Variants in GRIP1 observed in about 807,000 individuals in gnomAD.
GRIP1 encodes glutamate receptor-interacting protein 1.
GRIP1 carries 45 observed loss-of-function variants against 129.9 expected under a neutral mutation model. The observed-to-expected ratio is 0.35, with a 90% CI of 0.27 to 0.44. The LOEUF (loss-of-function observed/expected upper bound fraction) is 0.44. GRIP1 is among the 20% of genes least tolerant of loss of function. GRIP1 has a pLI of 1.00. For missense variants in GRIP1, 1,196 were observed against 1,396.8 expected, an observed-to-expected ratio of 0.86 and a Z score of 2.29; for synonymous variants, 530 against 520.8, an observed-to-expected ratio of 1.02 and a Z score of -0.24.
At chr12:66,814,915 T>C (rs1243105597) in intron 1 of GRIP1, among the ~76,000 whole-genome samples, 1 of 151,956 alleles carries the variant, frequency 6.6e-6, no homozygotes, top group Non-Finnish European at 1.5e-5. Flanking sequence ...CCATCAGATC[T>C]CATGTAAACT....
chr12:66,384,221 G>C lies in GRIP1; in HGVS notation c.2465-4785C>G, dbSNP rs149654757. On this transcript the variant is annotated intron_variant, in intron 19 of 24. Coordinates refer to ENST00000359742, the MANE Select transcript of GRIP1 (RefSeq NM_001366722.1). ...AAATTTAAATGTCTAGACTTGGGTT[G>C]AGGGTAGGAAAATAATTATCCTGAT... is the stretch of plus-strand genomic sequence containing the variant. Among the ~76,000 whole-genome samples, 245 of 152,204 alleles carry C rather than the reference G, an allele frequency of 1.6e-3. 2 individuals carry two copies. The highest frequency in any genetic ancestry group is 5.7e-3 in the African/African-American group (236 of 41,522).
At chr12:66,755,972 G>T (rs1165566857) in intron 1 of GRIP1, among the ~76,000 whole-genome samples, 1 of 152,112 alleles carries the variant, frequency 6.6e-6, no homozygotes, top group Non-Finnish European at 1.5e-5. Flanking sequence ...ACCAGCCCTG[G>T]AACCACTGCT....
intron 1 of GRIP1, among the ~76,000 whole-genome samples, chr12:67,031,788 C>A (rs2043026583): frequency 6.6e-6 from 1 of 152,294 alleles, no homozygotes; most frequent in South Asian, 2.1e-4. Flanking sequence ...TTCTTTTAAT[C>A]TCCCCATCTA....
chr12:66,524,885 G>A (rs2061165913), intron 5 of GRIP1, among the ~76,000 whole-genome samples: 2 of 152,198 alleles, frequency 1.3e-5, no homozygotes, highest in African/African-American at 4.8e-5. Flanking sequence ...ACTACCATCA[G>A]AGAATACTAC....
chr12:66,594,749 G>A (rs751582603), intron 2 of GRIP1, among the ~76,000 whole-genome samples: 4 of 152,160 alleles, frequency 2.6e-5, no homozygotes, highest in Admixed American at 1.3e-4. Context: ...TCTCTCTCAT[G>A]GACTTAGTGG....
At chr12:66,911,490 T>C (rs912296889) in intron 1 of GRIP1, among the ~76,000 whole-genome samples, 11 of 152,118 alleles carry the variant, frequency 7.2e-5, no homozygotes, top group Admixed American at 3.9e-4. Flanking sequence ...TTGTTTATAA[T>C]TATTATATCA....
At chr12:66,944,062 C>T (rs1347771303) in intron 1 of GRIP1, among the ~76,000 whole-genome samples, 1 of 152,184 alleles carries the variant, frequency 6.6e-6, no homozygotes, top group African/African-American at 2.4e-5. Flanking sequence ...CTTACATTAG[C>T]ATGAATTTTT....
At chr12:66,969,883 T>G (rs1463712281) in intron 1 of GRIP1, among the ~76,000 whole-genome samples, 1 of 152,206 alleles carries the variant, frequency 6.6e-6, no homozygotes, top group Non-Finnish European at 1.5e-5. Context: ...CTTTTCCTTT[T>G]GATCTTTTCT....
intron 1 of GRIP1, among the ~76,000 whole-genome samples, chr12:66,741,731 C>T (rs1045036613): frequency 6.6e-6 from 1 of 152,138 alleles, no homozygotes; most frequent in Non-Finnish European, 1.5e-5. Context: ...ACTTACAGCA[C>T]ATCTCAATTT....
intron 4 of GRIP1, among the ~76,000 whole-genome samples, chr12:66,535,865 C>G (rs2061589820): frequency 6.6e-6 from 1 of 152,148 alleles, no homozygotes. Context: ...ATTTACAGTA[C>G]AGATCTTTCT....
chr12:66,835,692 TG>T (rs1452998277), intron 1 of GRIP1, among the ~76,000 whole-genome samples: 1 of 152,160 alleles, frequency 6.6e-6, no homozygotes, highest in Admixed American at 6.5e-5. Flanking sequence ...GCATGACACT[TG>T]GAGAAAGCAA....
intron 4 of GRIP1, 94 bp downstream of exon 4, chr12:66,538,984 A>G: frequency 9.7e-7 from 1 of 1,036,212 alleles, no homozygotes. Context: ...AAAAAACCTG[A>G]TATATATAGG....
intron 1 of GRIP1, among the ~76,000 whole-genome samples, chr12:66,697,565 A>G (rs1421625590): frequency 6.6e-6 from 1 of 152,100 alleles, no homozygotes; most frequent in Non-Finnish European, 1.5e-5. Context: ...CTTGGGGCTC[A>G]ATTTGGGGCA....
intron 1 of GRIP1, among the ~76,000 whole-genome samples, chr12:66,950,860 A>G (rs1357666764): frequency 6.6e-6 from 1 of 152,234 alleles, no homozygotes; most frequent in Non-Finnish European, 1.5e-5. Context: ...GTTGGTCATT[A>G]TATTCATCCT....
At chr12:66,413,103 G>A (rs186215667) in intron 15 of GRIP1, among the ~76,000 whole-genome samples, 1 of 152,240 alleles carries the variant, frequency 6.6e-6, no homozygotes, top group Admixed American at 6.5e-5. Flanking sequence ...TCTGGATCAA[G>A]TGGACCTGAC....
At chr12:66,441,693 G>A (rs2058476099) in intron 13 of GRIP1, among the ~76,000 whole-genome samples, 1 of 152,160 alleles carries the variant, frequency 6.6e-6, no homozygotes, top group Non-Finnish European at 1.5e-5. Flanking sequence ...CTAGTAACAG[G>A]TGCTCAATAA....
intron 1 of GRIP1, among the ~76,000 whole-genome samples, chr12:66,717,018 T>G (rs1335749707): frequency 6.6e-6 from 1 of 152,082 alleles, no homozygotes; most frequent in African/African-American, 2.4e-5. Flanking sequence ...TAACTCTGCT[T>G]TTATAACAGA....
chr12:66,736,893 G>A (rs1204862409), intron 1 of GRIP1, among the ~76,000 whole-genome samples: 2 of 151,160 alleles, frequency 1.3e-5, no homozygotes, highest in African/African-American at 4.9e-5. Flanking sequence ...ATCAGTGCTT[G>A]CTTTGATATA....
chr12:66,425,180 G>C (rs1422386832), intron 14 of GRIP1, among the ~76,000 whole-genome samples: 1 of 152,122 alleles, frequency 6.6e-6, no homozygotes, highest in Non-Finnish European at 1.5e-5. Context: ...CCTTCTTTTA[G>C]AAATTTGAAG....
Sources: allele counts gnomAD v4.1 joint callset (sites outside exome capture counted in the v4.1 genomes callset), GRCh38; gene constraint gnomAD v4.1.1; transcripts MANE v1.5; gene names NCBI Gene and HGNC (gene_info 2026-07-23, HGNC 2026-07-21).